TMEM44: variants seen among roughly 807,000 people sequenced by gnomAD.
The protein encoded by TMEM44 is transmembrane protein 44.
A neutral mutation model predicts 47.8 loss-of-function variants in TMEM44; 43 were observed. That is an observed-to-expected ratio of 0.90 (90% CI 0.70 to 1.16). The LOEUF is 1.16. Ranked by LOEUF, TMEM44 falls within the 50% of genes most tolerant of loss-of-function variation. TMEM44 has a pLI of 0.00. For synonymous variants in TMEM44, 277 were observed against 238.8 expected, an observed-to-expected ratio of 1.16 and a Z score of -1.48; for missense variants, 568 against 555.2, an observed-to-expected ratio of 1.02 and a Z score of -0.23.
At chr3:194,589,765 T>C (rs1712382843) in intron 9 of TMEM44, 1 of 152,172 alleles carries the variant, frequency 6.6e-6, no homozygotes, top group African/African-American at 2.4e-5. Context: ...TCCTTGGTGT[T>C]ACCTTTGAGG....
chr3:194,595,366 TGTA>T (rs1425968903), intron 9 of TMEM44, among the ~76,000 whole-genome samples: 1 of 152,230 alleles, frequency 6.6e-6, no homozygotes, highest in Admixed American at 6.5e-5. Context: ...CTATATAGCA[TGTA>T]GTAATGTTTC....
chr3:194,626,801 A>G (rs1717233470), intron 2 of TMEM44, among the ~76,000 whole-genome samples: 2 of 149,538 alleles, frequency 1.3e-5, no homozygotes, highest in South Asian at 4.2e-4. Context: ...CTCCTGCCTC[A>G]GCCTCCCGAG....
intron 9 of TMEM44, among the ~76,000 whole-genome samples, chr3:194,594,670 A>T: frequency 6.6e-6 from 1 of 152,128 alleles, no homozygotes; most frequent in Admixed American, 6.6e-5. Context: ...TACTAAACTG[A>T]TGGTTCCACA....
intron 3 of TMEM44, among the ~76,000 whole-genome samples, chr3:194,623,928 C>T (rs1277274963): frequency 6.6e-6 from 1 of 151,886 alleles, no homozygotes; most frequent in Non-Finnish European, 1.5e-5. Flanking sequence ...ACGTGCTGCC[C>T]TCCTTCCTCA....
intron 8 of TMEM44, among the ~76,000 whole-genome samples, chr3:194,604,677 A>G (rs185231135): frequency 6.6e-6 from 1 of 152,186 alleles, no homozygotes; most frequent in Non-Finnish European, 1.5e-5. Context: ...CCACGTACAC[A>G]TATTTCCCCC....
intron 1 of TMEM44, among the ~76,000 whole-genome samples, chr3:194,631,303 T>A (rs190446904): frequency 4.1e-4 from 62 of 152,252 alleles, no homozygotes; most frequent in South Asian, 1.9e-3. Flanking sequence ...TTGCTACATT[T>A]CTCTGGAGAC....
chr3:194,603,293 CCCA>C (rs1714362904), intron 9 of TMEM44, among the ~76,000 whole-genome samples: 2 of 152,234 alleles, frequency 1.3e-5, no homozygotes, highest in South Asian at 4.1e-4. Flanking sequence ...AGCCGTGGTG[CCCA>C]CGACAGGGCC....
chr3:194,601,042 C>A (rs115927245), intron 9 of TMEM44, among the ~76,000 whole-genome samples: 7,229 of 152,112 alleles, frequency 0.048, 232 homozygotes, highest in African/African-American at 0.085. Flanking sequence ...AGGGAGGCTG[C>A]AGCTGCTGAA....
chr3:194,617,401 A>G, intron 5 of TMEM44, 132 bp from the exon 6 acceptor site: 5 of 1,081,122 alleles, frequency 4.6e-6, no homozygotes, highest in Non-Finnish European at 6.5e-6. Context: ...CTTCTGTTAG[A>G]CTTACAGCTT....
At chr3:194,596,341 G>A (rs114851484) in intron 9 of TMEM44, among the ~76,000 whole-genome samples, 4,507 of 152,288 alleles carry the variant, frequency 0.03, 85 homozygotes, top group African/African-American at 0.035. Context: ...TTGGGGAGGC[G>A]GATTGGAAAT....
In TMEM44 at chr3:194,588,547, G is replaced by A; in HGVS notation, c.1269C>T (p.His423=). ...QVHQDSVRTA[H]LSDDD The stretch of plus-strand genomic sequence containing the variant: ...GAAGGTGTTAATCATCATCACTCAG[G>A]TGTGCTGTCCTCACAGAGTCCTGGT... Residue 423 remains histidine, a synonymous_variant, in exon 10 of 10, where the codon CAC becomes CAT. Transcript: ENST00000347147. The A allele has an allele frequency of 6.2e-7, 1 of 1,614,154 alleles. No homozygotes were observed. The highest frequency in any genetic ancestry group is 1.3e-5 in the African/African-American group (1 of 75,056).
At position 194,611,591 on chromosome 3, in the gene TMEM44, G is replaced by A. The variant is rs952601964; in HGVS notation, c.913-571C>T. On this transcript the variant is annotated intron_variant, in intron 7 of 9. Transcript: ENST00000347147. The surrounding 1 kb of genome is among the most constrained non-coding windows in gnomAD (Gnocchi z 4.2). The stretch of plus-strand genomic sequence containing the variant: ...ATGAGATGTAACCGGGAAGTGGATC[G>A]TTTAAACGCGCCCCAGATGATTCTA... 3.9e-5 allele frequency among the ~76,000 whole-genome samples: 6 copies of A among 152,202 alleles called. No individual in the cohort carries two copies. Among genetic ancestry groups the A allele is most frequent in the East Asian group, 1.9e-4 (1 of 5,202 alleles).
At chr3:194,618,609 C>T (rs1238265909) in intron 5 of TMEM44, among the ~76,000 whole-genome samples, 1 of 147,838 alleles carries the variant, frequency 6.8e-6, no homozygotes, top group Non-Finnish European at 1.5e-5. Context: ...ATATATAATA[C>T]ATATAAAATT....
chr3:194,603,610 C>G (rs1454091764), intron 9 of TMEM44, among the ~76,000 whole-genome samples: 2 of 152,174 alleles, frequency 1.3e-5, no homozygotes, highest in African/African-American at 2.4e-5. Context: ...GTTGGCCAGG[C>G]TGGTCTTGAA....
At chr3:194,627,923 G>A (rs1414248977) in intron 2 of TMEM44, among the ~76,000 whole-genome samples, 2 of 152,180 alleles carry the variant, frequency 1.3e-5, no homozygotes, top group African/African-American at 4.8e-5. Flanking sequence ...AGGCTGCAGT[G>A]AGCCAAGACC....
chr3:194,615,689 GA>G lies in TMEM44; in HGVS notation c.791del (p.Phe264SerfsTer5), dbSNP rs1715807051. On this transcript the variant is annotated frameshift_variant, in exon 7 of 10. Transcript: ENST00000347147. LOFTEE classifies it high-confidence loss of function. ...TCTTGCTCTTCATCACACACGAAAG[GA>G]AAATAATCTGAGATGGTGTAAGTTA... is the stretch of plus-strand genomic sequence containing the variant. ...GRAALDLAII[F>X]LSCVMKSKMR... 1 of 1,613,896 alleles carries G rather than the reference GA, an allele frequency of 6.2e-7. No homozygotes were observed. The highest frequency in any genetic ancestry group is 1.3e-5 in the African/African-American group (1 of 75,016).
rs562965037 is a variant in TMEM44, at chr3:194,627,568, G to A, written c.264+815C>T. On this transcript the variant is annotated intron_variant, in intron 2 of 9. Transcript: ENST00000347147. ...CTGGGGCTGGGTCAAAGCTCTAAAT[G>A]ACTATGTATTGGGCACCTACTAGGA... 6.2e-4 allele frequency among the ~76,000 whole-genome samples: 95 copies of A among 152,336 alleles called. 1 individual carries two copies. In the South Asian group the frequency reaches 0.017, roughly 27 times the overall value.
At chr3:194,630,647 C>T (rs977145181) in intron 1 of TMEM44, among the ~76,000 whole-genome samples, 9 of 108,054 alleles carry the variant, frequency 8.3e-5, no homozygotes, top group Non-Finnish European at 1.4e-4. Flanking sequence ...AGTATGCTGT[C>T]GTACCTGCCT....
intron 6 of TMEM44, among the ~76,000 whole-genome samples, chr3:194,615,920 C>G (rs1715831845): frequency 6.6e-6 from 1 of 152,180 alleles, no homozygotes. Context: ...CTGTCCCTAA[C>G]AAGGACATGG....
Sources: allele counts gnomAD v4.1 joint callset (sites outside exome capture counted in the v4.1 genomes callset), GRCh38; gene constraint gnomAD v4.1.1; non-coding constraint Gnocchi (gnomAD v3.1); transcripts MANE v1.5; gene names NCBI Gene and HGNC (gene_info 2026-07-23, HGNC 2026-07-21).